The following CECR2 variants were observed in gnomAD, a reference collection of about 807,000 sequenced individuals.
The protein encoded by CECR2 is CECR2 histone acetyl-lysine reader.
CECR2 carries 30 observed loss-of-function variants against 154.5 expected under a neutral mutation model. The ratio of observed to expected loss-of-function variants is 0.19; its 90% confidence interval spans 0.15 to 0.26. CECR2 has a LOEUF of 0.26. CECR2 is among the 10% of genes least tolerant of loss of function. The pLI is 1.00. For missense variants in CECR2, 1,743 were observed against 1,829.3 expected, an observed-to-expected ratio of 0.95 and a Z score of 0.86; for synonymous variants, 725 against 683.7, an observed-to-expected ratio of 1.06 and a Z score of -0.94.
At chr22:17,404,513 A>C (rs2053951248) in intron 1 of CECR2, among the ~76,000 whole-genome samples, 1 of 138,488 alleles carries the variant, frequency 7.2e-6, no homozygotes, top group African/African-American at 2.8e-5. Context: ...AGCTGGGACT[A>C]CAGGCGCCCG....
chr22:17,360,934 G>A (rs1303426141), intron 1 of CECR2, among the ~76,000 whole-genome samples: 3 of 151,996 alleles, frequency 2.0e-5, no homozygotes, highest in Non-Finnish European at 2.9e-5. Context: ...AGGCTGAGGC[G>A]GGTAGATTGC....
intron 1 of CECR2, among the ~76,000 whole-genome samples, chr22:17,382,010 C>T (rs1411526670): frequency 1.3e-5 from 2 of 151,714 alleles, no homozygotes; most frequent in African/African-American, 4.8e-5. Flanking sequence ...GCCTCAGTCT[C>T]CCTAGTAGCT....
intron 1 of CECR2, among the ~76,000 whole-genome samples, chr22:17,475,703 G>T (rs1019077024): frequency 1.2e-4 from 19 of 152,150 alleles, no homozygotes; most frequent in African/African-American, 4.3e-4. Flanking sequence ...GGGAGTTTTG[G>T]CTTTGAAGAT....
chr22:17,360,436 C>CT (rs930137763), intron 1 of CECR2, among the ~76,000 whole-genome samples: 20 of 152,180 alleles, frequency 1.3e-4, no homozygotes, highest in Admixed American at 5.2e-4. Context: ...AATCCCAGCA[C>CT]TTTGAGAGGC....
chr22:17,533,071 A>T (rs2056383278), intron 9 of CECR2, among the ~76,000 whole-genome samples: 1 of 151,856 alleles, frequency 6.6e-6, no homozygotes, highest in Non-Finnish European at 1.5e-5. Flanking sequence ...TAATCCCAGC[A>T]CTTTGGGAGG....
chr22:17,448,468 T>A (rs1031055068), intron 1 of CECR2, among the ~76,000 whole-genome samples: 1 of 152,224 alleles, frequency 6.6e-6, no homozygotes, highest in Non-Finnish European at 1.5e-5. Flanking sequence ...CCTCCATTTG[T>A]TATGTGACCT....
chr22:17,466,215 G>A lies in CECR2; in HGVS notation c.127-11373G>A, dbSNP rs1171186867. Among the ~76,000 whole-genome samples, 4 of 152,134 alleles carry A rather than the reference G, an allele frequency of 2.6e-5. No homozygotes were observed. The East Asian group carries it at 7.7e-4, about 29-fold the overall frequency. ...AGTGGGAATACAGACATGAGCCAGA[G>A]CGCCTGGCCTTCCGCTCCTTTTAAA... On this transcript the variant is annotated intron_variant, in intron 1 of 18. Transcript: ENST00000262608.
intron 1 of CECR2, among the ~76,000 whole-genome samples, chr22:17,470,392 C>CA (rs5844313): frequency 0.38 from 37,535 of 99,314 alleles, 6,018 homozygotes; most frequent in African/African-American, 0.52. Context: ...GACTCCGTCT[C>CA]AAAAAAAAAA....
chr22:17,476,884 A>G (rs1312797686), intron 1 of CECR2, among the ~76,000 whole-genome samples: 1 of 152,188 alleles, frequency 6.6e-6, no homozygotes, highest in East Asian at 1.9e-4. Flanking sequence ...GTTCCCCACC[A>G]CCACTTTTTG....
chr22:17,487,745 A>G (rs1204801348), intron 2 of CECR2, among the ~76,000 whole-genome samples: 2 of 152,112 alleles, frequency 1.3e-5, no homozygotes, highest in Admixed American at 6.6e-5. Context: ...TTGTCCGTAC[A>G]TCTTTAGTAG....
intron 1 of CECR2, among the ~76,000 whole-genome samples, chr22:17,361,361 C>G (rs566837392): frequency 2.0e-5 from 3 of 152,044 alleles, no homozygotes; most frequent in East Asian, 1.9e-4. Context: ...TGGCGGACAC[C>G]TGTAATCTCA....
rs901662912 is a variant in CECR2 at position 17,537,244 on chromosome 22, G to A, written c.1238+12G>A. The A allele has an allele frequency of 2.5e-6, 4 of 1,613,374 alleles. No homozygotes were observed. In the African/African-American group the frequency reaches 4.0e-5, roughly 16 times the overall value. On this transcript the variant is annotated intron_variant, in intron 10 of 18. Coordinates refer to ENST00000262608, the MANE Select transcript of CECR2 (RefSeq NM_001290047.2). ...AAGACTAAAGACCTGTGAGTATTTA[G>A]TAACAACAACAACAGCAGTAGCAAC...
At chr22:17,439,852 G>A (rs1028341810) in intron 1 of CECR2, among the ~76,000 whole-genome samples, 4 of 152,096 alleles carry the variant, frequency 2.6e-5, no homozygotes, top group African/African-American at 4.8e-5. Context: ...CGTCATTAGC[G>A]GGGTGGCTGA....
rs1360452688 is a variant in CECR2, at chr22:17,540,442, G to A, written c.1526G>A (p.Arg509Lys). Residue 509 changes from arginine (R) to lysine (K), a missense_variant, in exon 14 of 19, where the codon AGG becomes AAG. Coordinates refer to ENST00000262608, the MANE Select transcript of CECR2 (RefSeq NM_001290047.2). ...ACCAAGATGTCTGATAATTTAGAGA[G>A]GTGTTTCCATCGGGCAATGATGAAA... Reference protein sequence around the residue: ...EYTKMSDNLERCFHRAMMKHF... With the variant: ...EYTKMSDNLEKCFHRAMMKHF... 6.4e-6 allele frequency: 10 copies of A among 1,569,924 alleles called. No individual in the cohort carries two copies. The South Asian group carries it at 1.2e-4, about 19-fold the overall frequency.
intron 1 of CECR2, among the ~76,000 whole-genome samples, chr22:17,407,850 A>G (rs1417166841): frequency 1.3e-5 from 2 of 152,126 alleles, no homozygotes; most frequent in Non-Finnish European, 2.9e-5. Context: ...CTTGAGAACA[A>G]CAGCAAACAT....
intron 1 of CECR2, among the ~76,000 whole-genome samples, chr22:17,472,588 T>C (rs935922237): frequency 1.3e-5 from 2 of 152,062 alleles, no homozygotes; most frequent in Non-Finnish European, 2.9e-5. Context: ...TTAAACATTT[T>C]CCCCCTCCTT....
At chr22:17,490,611 T>A (rs1296746) in intron 2 of CECR2, among the ~76,000 whole-genome samples, 1,685 of 151,844 alleles carry the variant, frequency 0.011, 14 homozygotes, top group South Asian at 0.033. Flanking sequence ...ATTTTTTTTT[T>A]ATTTTTATTT....
chr22:17,492,934 C>CA (rs1338613045), intron 2 of CECR2, among the ~76,000 whole-genome samples: 1 of 151,990 alleles, frequency 6.6e-6, no homozygotes, highest in East Asian at 1.9e-4. Context: ...AGCACAGTGC[C>CA]ACTGTTCTTT....
intron 10 of CECR2, among the ~76,000 whole-genome samples, chr22:17,538,174 C>T (rs2056465993): frequency 6.6e-6 from 1 of 152,138 alleles, no homozygotes; most frequent in South Asian, 2.1e-4. Flanking sequence ...GCTGTGATCA[C>T]ACCACTTCAC....
Sources: allele counts gnomAD v4.1 joint callset (sites outside exome capture counted in the v4.1 genomes callset), GRCh38; gene constraint gnomAD v4.1.1; transcripts MANE v1.5; gene names NCBI Gene and HGNC (gene_info 2026-07-23, HGNC 2026-07-21).